RIMS2: variants seen among roughly 807,000 people sequenced by gnomAD.
RIMS2 encodes regulating synaptic membrane exocytosis protein 2.
Under a neutral mutation model 174.4 loss-of-function variants are expected in RIMS2, and 59 were observed. That is an observed-to-expected ratio of 0.34 (90% CI 0.27 to 0.42). The LOEUF is 0.42. Ranked by LOEUF, RIMS2 falls within the 10% of genes least tolerant of loss-of-function variation. The probability of loss-of-function intolerance (pLI) is 1.00; values close to 1 mark genes in which losing one functional copy is unlikely to be tolerated. For missense variants in RIMS2, 1,620 were observed against 1,666.3 expected (o/e 0.97, Z 0.48); for synonymous variants, 606 against 572.5 (o/e 1.06, Z -0.84).
At chr8:103,758,251 C>G (rs1198914237) in intron 2 of RIMS2, among the ~76,000 whole-genome samples, 3 of 152,152 alleles carry the variant, frequency 2.0e-5, no homozygotes, top group South Asian at 2.1e-4. Context: ...CATGCAGTCT[C>G]TGGGATCTCC....
At chr8:103,536,031 A>G (rs1229310131) in intron 1 of RIMS2, among the ~76,000 whole-genome samples, 1 of 152,244 alleles carries the variant, frequency 6.6e-6, no homozygotes, top group East Asian at 1.9e-4. Context: ...AGTAGAGACT[A>G]TAGCAAAAGT....
chr8:104,059,363 C>T (rs1443526431), intron 19 of RIMS2, among the ~76,000 whole-genome samples: 2 of 150,616 alleles, frequency 1.3e-5, no homozygotes, highest in African/African-American at 2.5e-5. Context: ...TGATTTGGCT[C>T]TCTGTTTGTC....
At chr8:103,778,621 C>A (rs2098345966) in intron 3 of RIMS2, among the ~76,000 whole-genome samples, 1 of 152,026 alleles carries the variant, frequency 6.6e-6, no homozygotes. Context: ...ATATTCCATT[C>A]TATATATATG....
intron 2 of RIMS2, among the ~76,000 whole-genome samples, chr8:103,720,572 C>G (rs1210925118): frequency 6.6e-6 from 1 of 152,100 alleles, no homozygotes; most frequent in Admixed American, 6.5e-5. Flanking sequence ...ATAAAAAAAT[C>G]ACAAGTTTAT....
chr8:103,539,339 G>C (rs1451040981), intron 1 of RIMS2, among the ~76,000 whole-genome samples: 1 of 152,148 alleles, frequency 6.6e-6, no homozygotes, highest in Non-Finnish European at 1.5e-5. Flanking sequence ...TGGCAGAGTA[G>C]GAGATACCAG....
chr8:103,956,051 T>G (rs956243771), intron 14 of RIMS2, among the ~76,000 whole-genome samples: 2 of 152,182 alleles, frequency 1.3e-5, no homozygotes, highest in Non-Finnish European at 2.9e-5. Flanking sequence ...ACAAGGGATG[T>G]GAAGGACCTC....
intron 3 of RIMS2, among the ~76,000 whole-genome samples, chr8:103,804,688 T>A (rs1592791456): frequency 1.3e-5 from 2 of 152,236 alleles, no homozygotes; most frequent in African/African-American, 4.8e-5. Context: ...TCCTGGCATA[T>A]TTTGACTGTG....
At chr8:103,973,140 C>T (rs923429982) in intron 15 of RIMS2, among the ~76,000 whole-genome samples, 9 of 152,152 alleles carry the variant, frequency 5.9e-5, no homozygotes, top group African/African-American at 2.2e-4. Flanking sequence ...GCTTCATTTT[C>T]CTAAAGTATT....
chr8:104,058,010 A>G (rs2096904849), intron 19 of RIMS2, among the ~76,000 whole-genome samples: 1 of 152,000 alleles, frequency 6.6e-6, no homozygotes, highest in African/African-American at 2.4e-5. Flanking sequence ...GCTATTGTGA[A>G]TGGTGCCGCA....
At chr8:104,220,271 A>T (rs1184393151) in intron 19 of RIMS2, among the ~76,000 whole-genome samples, 1 of 136,202 alleles carries the variant, frequency 7.3e-6, no homozygotes, top group Non-Finnish European at 1.6e-5. Flanking sequence ...TATCTGTAAG[A>T]TCCTAGGAAA....
intron 17 of RIMS2, among the ~76,000 whole-genome samples, chr8:103,990,712 T>C (rs1341966654): frequency 3.3e-5 from 5 of 152,064 alleles, no homozygotes; most frequent in Admixed American, 1.3e-4. Context: ...AAATTATTTA[T>C]ATACCAAGTC....
chr8:104,047,109 T>C (rs922402406), intron 19 of RIMS2, among the ~76,000 whole-genome samples: 10 of 151,766 alleles, frequency 6.6e-5, no homozygotes, highest in African/African-American at 2.4e-4. Flanking sequence ...CTCAAAAGAG[T>C]AAGGATGCCC....
rs1208262303 is a variant in RIMS2 at position 104,079,600 on chromosome 8, TA to T, written c.3334+64986del. On this transcript the variant is annotated intron_variant, in intron 19 of 23. Coordinates refer to ENST00000504942, the Ensembl canonical transcript of RIMS2. ...ACATAACTGAAAGGATTAAGCATGA[TA>T]TATATATATATATATATATATATAT... Among the ~76,000 whole-genome samples the T allele has an allele frequency of 1.2e-3, 44 of 36,010 alleles. 1 individual carries two copies. Among genetic ancestry groups the T allele is most frequent in the African/African-American group, 5.2e-3 (43 of 8,320 alleles). 23.6% of individuals were successfully genotyped at this position (36,010 alleles called of 152,430 possible). A position where few individuals can be genotyped will look rare whatever the true frequency, so the allele number is the denominator to read the frequency against.
At chr8:103,616,084 G>A (rs1194350457) in intron 1 of RIMS2, among the ~76,000 whole-genome samples, 3 of 152,004 alleles carry the variant, frequency 2.0e-5, no homozygotes, top group African/African-American at 7.3e-5. Context: ...AAAGCTTCAG[G>A]CCAAAATTGT....
intron 19 of RIMS2, among the ~76,000 whole-genome samples, chr8:104,085,716 T>A (rs1395845139): frequency 6.6e-6 from 1 of 152,186 alleles, no homozygotes; most frequent in Non-Finnish European, 1.5e-5. Context: ...CTTGGCTGAT[T>A]AGAATGGAGG....
In RIMS2 at chr8:104,237,561, T is replaced by C. The variant is rs937154232; in HGVS notation, c.3335-7355T>C. Among the ~76,000 whole-genome samples the C allele has an allele frequency of 5.9e-5, 9 of 152,152 alleles. No homozygotes were observed. The South Asian group carries it at 6.2e-4, about 10-fold the overall frequency. On this transcript the variant is annotated intron_variant, in intron 19 of 23. Transcript: ENST00000504942. Reference sequence around the variant, plus strand: ...TGGGAATAAAGTGAATATACATGAATAGACCTAACATCTACCATAATCATG... The same window carrying C: ...TGGGAATAAAGTGAATATACATGAACAGACCTAACATCTACCATAATCATG...
chr8:103,945,267 A>T (rs1433745691), intron 14 of RIMS2, among the ~76,000 whole-genome samples: 1 of 152,094 alleles, frequency 6.6e-6, no homozygotes, highest in Non-Finnish European at 1.5e-5. Flanking sequence ...ATCTGAATAA[A>T]CCTGTAATAA....
At chr8:103,928,148 T>C (rs1021222245) in intron 11 of RIMS2, among the ~76,000 whole-genome samples, 3 of 151,604 alleles carry the variant, frequency 2.0e-5, no homozygotes, top group African/African-American at 7.2e-5. Flanking sequence ...CAAAATGGCA[T>C]TTAATGTAGA....
chr8:104,249,092 C>A (rs2099350578), intron 21 of RIMS2, among the ~76,000 whole-genome samples: 1 of 136,408 alleles, frequency 7.3e-6, no homozygotes, highest in African/African-American at 2.9e-5. Context: ...CCATAACCAG[C>A]AAATATTTTG....
Sources: gnomAD v4.1 joint callset for allele counts (sites outside exome capture counted in the v4.1 genomes callset) on GRCh38, gnomAD v4.1.1 for gene constraint, MANE v1.5 for transcripts, NCBI Gene and HGNC (gene_info 2026-07-23, HGNC 2026-07-21) for gene names.